SAMMSON: variants seen among roughly 807,000 people sequenced by gnomAD.
SAMMSON encodes long intergenic non-protein coding RNA 1212.
chr3:70,225,722 A>G lies in SAMMSON; in HGVS notation n.508-23385A>G, dbSNP rs560265440. Among the ~76,000 whole-genome samples, 61 of 152,362 alleles carry G rather than the reference A, an allele frequency of 4.0e-4. 1 individual carries two copies. Among genetic ancestry groups the G allele is most frequent in the African/African-American group, 1.4e-3 (59 of 41,588 alleles). ...CACCCCCAAAATGAAACAATAAAGT[A>G]GAACGATAGTTTGGTGATAAGAACA... On this transcript the variant is annotated intron_variant and non_coding_transcript_variant, in intron 4 of 9. Coordinates refer to ENST00000642114, the Ensembl canonical transcript of SAMMSON.
intron 9 of SAMMSON, among the ~76,000 whole-genome samples, chr3:70,362,116 G>A (rs931947597): frequency 9.2e-5 from 14 of 152,054 alleles, no homozygotes; most frequent in South Asian, 4.1e-4. Flanking sequence ...AAAAAGGGAA[G>A]GATTCTTTAA....
rs554390041 is a variant in SAMMSON at position 70,376,663 on chromosome 3, G to A, written n.914-12911G>A. ...ACCTCTTTCAGTAGGCAAAATAGGA[G>A]CATTTACATACTTTTCTCATCCAGA... On this transcript the variant is annotated intron_variant and non_coding_transcript_variant, in intron 9 of 9. Coordinates refer to ENST00000642114, the Ensembl canonical transcript of SAMMSON. Among the ~76,000 whole-genome samples, 15 of 152,118 alleles carry A rather than the reference G, an allele frequency of 9.9e-5. No homozygotes were observed. The East Asian group carries it at 2.7e-3, about 27-fold the overall frequency.
At chr3:70,027,828 A>G in intron 3 of SAMMSON, among the ~76,000 whole-genome samples, 1 of 152,224 alleles carries the variant, frequency 6.6e-6, no homozygotes, top group Non-Finnish European at 1.5e-5. Context: ...GGTGCTGTCT[A>G]AGGCTAATGA....
chr3:70,001,861 C>A (rs1559769205), intron 1 of SAMMSON, among the ~76,000 whole-genome samples: 1 of 152,168 alleles, frequency 6.6e-6, no homozygotes, highest in Non-Finnish European at 1.5e-5. Context: ...ACCTGATGCC[C>A]AGTGGTCTAG....
chr3:70,293,045 CAAAAA>C (rs55990203), intron 7 of SAMMSON, among the ~76,000 whole-genome samples: 1,975 of 74,690 alleles, frequency 0.026, 20 homozygotes, highest in African/African-American at 0.066. Context: ...TGGTTTGAAG[CAAAAA>C]AAAAAAAAAA....
At chr3:70,282,202 C>T (rs1268791659) in intron 6 of SAMMSON, among the ~76,000 whole-genome samples, 2 of 152,246 alleles carry the variant, frequency 1.3e-5, no homozygotes, top group East Asian at 3.9e-4. Context: ...ACCCTTCTTT[C>T]CTGGCAGTAT....
intron 4 of SAMMSON, among the ~76,000 whole-genome samples, chr3:70,231,020 ACATCGTGTCTTAC>A (rs1701554547): frequency 6.6e-6 from 1 of 152,218 alleles, no homozygotes; most frequent in Non-Finnish European, 1.5e-5. Flanking sequence ...CAGCCCTGGA[ACATCGTGTCTTAC>A]CATCGCTCTG....
chr3:70,196,620 G>A (rs552165576), intron 4 of SAMMSON, among the ~76,000 whole-genome samples: 1 of 152,216 alleles, frequency 6.6e-6, no homozygotes, highest in South Asian at 2.1e-4. Context: ...ATAACGCAGT[G>A]GCTTAACATG....
At chr3:70,163,594 A>G (rs1458837640) in intron 4 of SAMMSON, among the ~76,000 whole-genome samples, 2 of 151,916 alleles carry the variant, frequency 1.3e-5, no homozygotes, top group Admixed American at 6.6e-5. Flanking sequence ...ACTTACTCTC[A>G]TAGGCAGTGA....
intron 9 of SAMMSON, among the ~76,000 whole-genome samples, chr3:70,382,655 T>C (rs1378044059): frequency 1.3e-5 from 2 of 151,604 alleles, no homozygotes; most frequent in East Asian, 3.9e-4. Flanking sequence ...AGTAAGCTGA[T>C]ACTTGTTTAG....
intron 2 of SAMMSON, among the ~76,000 whole-genome samples, chr3:70,408,806 C>T (rs1356709981): frequency 6.6e-6 from 1 of 152,134 alleles, no homozygotes; most frequent in Non-Finnish European, 1.5e-5. Flanking sequence ...ATGCCCCTCT[C>T]TACTGGTACC....
chr3:70,148,995 G>C (rs997132392), intron 4 of SAMMSON, among the ~76,000 whole-genome samples: 6 of 152,004 alleles, frequency 3.9e-5, no homozygotes, highest in Admixed American at 6.6e-5. Context: ...AATGCTGGTT[G>C]GCTAAGTTGT....
intron 7 of SAMMSON, among the ~76,000 whole-genome samples, chr3:70,347,864 A>T (rs1484221714): frequency 6.6e-6 from 1 of 152,146 alleles, no homozygotes; most frequent in Non-Finnish European, 1.5e-5. Flanking sequence ...CCAACATGGC[A>T]AAGCCCCATC....
chr3:70,142,911 C>T (rs1012565976), intron 4 of SAMMSON, among the ~76,000 whole-genome samples: 11 of 152,164 alleles, frequency 7.2e-5, no homozygotes, highest in African/African-American at 1.9e-4. Context: ...TTTAAGCATA[C>T]TTGAGTCCCT....
At chr3:70,055,072 C>G (rs2067162168) in intron 3 of SAMMSON, among the ~76,000 whole-genome samples, 1 of 151,704 alleles carries the variant, frequency 6.6e-6, no homozygotes, top group African/African-American at 2.4e-5. Context: ...TTTAAATGTC[C>G]TTATATTTTA....
In SAMMSON at chr3:70,273,778, G is replaced by T. The variant is rs1701996652; in HGVS notation, n.675-17401G>T. ...TGTTTAGCAGTCAAATGTAGAAAGA[G>T]GTCCAGAATTTCCTTTATTTTTCTC... On this transcript the variant is annotated intron_variant and non_coding_transcript_variant, in intron 6 of 9. Coordinates refer to ENST00000642114, the Ensembl canonical transcript of SAMMSON. 2.0e-5 allele frequency among the ~76,000 whole-genome samples: 3 copies of T among 152,124 alleles called. No homozygotes were observed. In the South Asian group the frequency reaches 6.2e-4, roughly 32 times the overall value.
chr3:70,377,916 G>T (rs805478), intron 9 of SAMMSON, among the ~76,000 whole-genome samples: 52,304 of 151,524 alleles, frequency 0.35, 9,555 homozygotes, highest in Non-Finnish European at 0.4. Flanking sequence ...ACTCCTTTTT[G>T]CCCATCAGAC....
chr3:70,205,309 T>C (rs1002303696), intron 4 of SAMMSON: 5 of 152,092 alleles, frequency 3.3e-5, no homozygotes, highest in African/African-American at 1.2e-4. Flanking sequence ...CAGCTTGCCA[T>C]AGTCCTCACC....
At chr3:70,356,187 C>A (rs532849055) in intron 8 of SAMMSON, among the ~76,000 whole-genome samples, 1 of 152,116 alleles carries the variant, frequency 6.6e-6, no homozygotes, top group African/African-American at 2.4e-5. Flanking sequence ...CCTTCATTAA[C>A]TTTTTTACAA....
Sources: gnomAD v4.1 joint callset for allele counts (sites outside exome capture counted in the v4.1 genomes callset) on GRCh38, gnomAD v4.1.1 for gene constraint, MANE v1.5 for transcripts, NCBI Gene and HGNC (gene_info 2026-07-23, HGNC 2026-07-21) for gene names.